MPDZ: variants seen among roughly 807,000 people sequenced by gnomAD.
MPDZ encodes the protein multiple PDZ domain crumbs cell polarity complex component.
Under a neutral mutation model 239.1 loss-of-function variants are expected in MPDZ, and 234 were observed. That is an observed-to-expected ratio of 0.98 (90% CI 0.88 to 1.09). The LOEUF (loss-of-function observed/expected upper bound fraction) is 1.09, where lower values mean the gene tolerates loss of function less well. Ranked by LOEUF, MPDZ falls within the 50% of genes least tolerant of loss-of-function variation. The pLI, the probability that MPDZ is intolerant of heterozygous loss-of-function variation, is 0.00. For missense variants in MPDZ, 3,175 were observed against 2,510.0 expected (o/e 1.26, Z -5.66); for synonymous variants, 1,048 against 881.3 (o/e 1.19, Z -3.35).
chr9:13,249,079 A>G (rs1456156156), intron 2 of MPDZ, among the ~76,000 whole-genome samples: 1 of 149,698 alleles, frequency 6.7e-6, no homozygotes, highest in Non-Finnish European at 1.5e-5. Context: ...GGTAATTAAA[A>G]TATGAACTGA....
Position 13,260,931 on chromosome 9 carries a change from T to G in MPDZ, c.-57-10559A>C, listed in dbSNP as rs559903558. Among the ~76,000 whole-genome samples, 4 of 152,286 alleles carry G rather than the reference T, an allele frequency of 2.6e-5. No homozygotes were observed. In the South Asian group the frequency reaches 8.3e-4, roughly 32 times the overall value. On this transcript the variant is annotated intron_variant, in intron 1 of 46. Coordinates refer to ENST00000319217, the MANE Select transcript of MPDZ (RefSeq NM_001378778.1). ...AATTCAACCATTCCGCAGGCCCTCC[T>G]CCAAGGACTATGCTATCATGTACTA...
chr9:13,232,415 G>T (rs999125626), intron 3 of MPDZ, among the ~76,000 whole-genome samples: 1 of 152,244 alleles, frequency 6.6e-6, no homozygotes, highest in Admixed American at 6.5e-5. Context: ...TAGTGACAAT[G>T]CAAGGGAGAA....
chr9:13,136,681 A>G (rs771951991), intron 30 of MPDZ, 31 bp downstream of exon 30: 7 of 1,335,002 alleles, frequency 5.2e-6, no homozygotes, highest in Non-Finnish European at 7.4e-6. Flanking sequence ...AACAAAAAGT[A>G]TTTGGTAAAC....
At chr9:13,144,927 A>G (rs954994219) in intron 26 of MPDZ, among the ~76,000 whole-genome samples, 1 of 152,090 alleles carries the variant, frequency 6.6e-6, no homozygotes, top group African/African-American at 2.4e-5. Flanking sequence ...AAATAATTCA[A>G]TGCTATGGAA....
At position 13,150,570 on chromosome 9, in the gene MPDZ, G is replaced by A. The variant is rs1347086137; in HGVS notation, c.3571C>T (p.Leu1191=). Residue 1191 remains leucine (L), a synonymous_variant, in exon 25 of 47, where the codon CTG becomes TTG. Coordinates refer to ENST00000319217, the MANE Select transcript of MPDZ (RefSeq NM_001378778.1). ...VMRGIFIKHV[L]EDSPAGKNGT... ...TTTTTGCCAGCTGGACTATCTTCCA[G>A]AACATGTTTGATGAAAATGCCCCTC... 1.3e-6 allele frequency: 2 copies of A among 1,567,110 alleles called. No individual in the cohort carries two copies. Among genetic ancestry groups the A allele is most frequent in the Admixed American group, 3.5e-5 (2 of 56,852 alleles).
At chr9:13,261,980 G>A (rs953033738) in intron 1 of MPDZ, among the ~76,000 whole-genome samples, 1 of 151,844 alleles carries the variant, frequency 6.6e-6, no homozygotes, top group African/African-American at 2.4e-5. Flanking sequence ...AGGAGATTGA[G>A]GCTATAGTGA....
intron 1 of MPDZ, among the ~76,000 whole-genome samples, chr9:13,254,668 A>G (rs1968982571): frequency 6.6e-6 from 1 of 152,206 alleles, no homozygotes; most frequent in South Asian, 2.1e-4. Context: ...GGGTCACATG[A>G]ATTTTTTCAT....
intron 21 of MPDZ, 66 bp from the exon 22 acceptor site, chr9:13,168,630 T>G (rs1951391806): frequency 8.4e-7 from 1 of 1,193,084 alleles, no homozygotes; most frequent in South Asian, 1.7e-5. Flanking sequence ...TAATTTGAAT[T>G]TAATAATTTC....
intron 1 of MPDZ, among the ~76,000 whole-genome samples, chr9:13,250,854 C>T (rs113184627): frequency 1.3e-5 from 2 of 152,138 alleles, no homozygotes; most frequent in African/African-American, 4.8e-5. Context: ...GTGGGCTGGG[C>T]ATGGTGGCTC....
chr9:13,203,440 C>A (rs886256253), intron 12 of MPDZ, among the ~76,000 whole-genome samples: 1 of 152,118 alleles, frequency 6.6e-6, no homozygotes, highest in Non-Finnish European at 1.5e-5. Flanking sequence ...TTTAGCAGAA[C>A]AACTCTCCAT....
At chr9:13,161,093 G>A (rs1291047812) in intron 23 of MPDZ, among the ~76,000 whole-genome samples, 2 of 151,314 alleles carry the variant, frequency 1.3e-5, no homozygotes, top group Non-Finnish European at 2.9e-5. Flanking sequence ...ATATTCATGA[G>A]GCCCCAAGGA....
chr9:13,239,903 C>T (rs954287739), intron 3 of MPDZ, among the ~76,000 whole-genome samples: 1 of 152,040 alleles, frequency 6.6e-6, no homozygotes, highest in Non-Finnish European at 1.5e-5. Context: ...AATGTCTTTT[C>T]TTTATTTAAA....
chr9:13,267,312 A>G (rs1972004768), intron 1 of MPDZ, among the ~76,000 whole-genome samples: 2 of 152,210 alleles, frequency 1.3e-5, no homozygotes, highest in African/African-American at 4.8e-5. Flanking sequence ...TTTCTTAAAC[A>G]AAACCTATGT....
At chr9:13,169,975 T>C (rs1261703821) in intron 21 of MPDZ, among the ~76,000 whole-genome samples, 3 of 152,188 alleles carry the variant, frequency 2.0e-5, no homozygotes, top group Admixed American at 2.0e-4. Context: ...TGAATTAATG[T>C]TCCCTTTGCA....
chr9:13,138,748 T>C (rs1194883781), intron 28 of MPDZ, among the ~76,000 whole-genome samples: 2 of 152,098 alleles, frequency 1.3e-5, no homozygotes, highest in Non-Finnish European at 2.9e-5. Flanking sequence ...GAGGTGATGG[T>C]TATTGTGCAC....
intron 3 of MPDZ, among the ~76,000 whole-genome samples, chr9:13,235,623 C>A (rs573984841): frequency 6.6e-6 from 1 of 152,094 alleles, no homozygotes; most frequent in Admixed American, 6.6e-5. Context: ...TTTTAAGTAG[C>A]CTTTGACTAT....
chr9:13,208,255 G>A (rs1193640669), intron 10 of MPDZ, among the ~76,000 whole-genome samples: 1 of 152,084 alleles, frequency 6.6e-6, no homozygotes, highest in African/African-American at 2.4e-5. Flanking sequence ...GCCAGCCTGG[G>A]CAACATGCTG....
At chr9:13,279,300 A>G (rs10961001) in intron 1 of MPDZ, 100 bp downstream of exon 1, 1 of 115,764 alleles carries the variant, frequency 8.6e-6, no homozygotes, top group African/African-American at 3.1e-5. Flanking sequence ...CCCACCCCCA[A>G]GCGCCGAGCC....
At chr9:13,113,380 T>C (rs1942834606) in intron 41 of MPDZ, among the ~76,000 whole-genome samples, 1 of 152,150 alleles carries the variant, frequency 6.6e-6, no homozygotes, top group East Asian at 1.9e-4. Context: ...AATAAAGTCA[T>C]GGATGCATTA....
Sources: allele counts gnomAD v4.1 joint callset (sites outside exome capture counted in the v4.1 genomes callset), GRCh38; gene constraint gnomAD v4.1.1; transcripts MANE v1.5; gene names NCBI Gene and HGNC (gene_info 2026-07-23, HGNC 2026-07-21).